Variants in ATG5 observed in about 807,000 individuals in gnomAD.
ATG5 encodes autophagy related 5.
A neutral mutation model predicts 36.5 loss-of-function variants in ATG5; 14 were observed. The observed-to-expected ratio is 0.38, with a 90% CI of 0.25 to 0.60. The LOEUF (loss-of-function observed/expected upper bound fraction) is 0.60, where lower values mean the gene tolerates loss of function less well. Ranked by LOEUF, ATG5 falls within the 20% of genes least tolerant of loss-of-function variation. The pLI, the probability that ATG5 is intolerant of heterozygous loss-of-function variation, is 0.60. For missense variants in ATG5, 195 were observed against 326.7 expected (o/e 0.60, Z 3.11); for synonymous variants, 95 against 101.5 (o/e 0.94, Z 0.38).
chr6:106,188,928 C>T (rs188839793), intron 7 of ATG5, among the ~76,000 whole-genome samples: 4 of 152,234 alleles, frequency 2.6e-5, no homozygotes, highest in Admixed American at 2.6e-4. Flanking sequence ...TTCTGACTTG[C>T]CTCAATAACA....
intron 6 of ATG5, among the ~76,000 whole-genome samples, chr6:106,221,450 C>A (rs568795296): frequency 6.6e-6 from 1 of 152,074 alleles, no homozygotes; most frequent in African/African-American, 2.4e-5. Context: ...CTTTGGGAGG[C>A]CAAGATGGGC....
At chr6:106,287,925 A>G (rs774878245) in intron 4 of ATG5, among the ~76,000 whole-genome samples, 2 of 152,128 alleles carry the variant, frequency 1.3e-5, no homozygotes, top group Non-Finnish European at 2.9e-5. Context: ...GTTAAAAAGC[A>G]GCAAATCCAA....
intron 6 of ATG5, among the ~76,000 whole-genome samples, chr6:106,245,639 C>T (rs184630176): frequency 2.6e-5 from 4 of 152,032 alleles, no homozygotes; most frequent in East Asian, 3.9e-4. Flanking sequence ...TCTCTCTCTC[C>T]GGTTATGCAG....
intron 5 of ATG5, among the ~76,000 whole-genome samples, chr6:106,261,917 C>G (rs758344157): frequency 1.9e-4 from 29 of 152,150 alleles, no homozygotes; most frequent in Non-Finnish European, 1.5e-4. Flanking sequence ...AGGACAGCCC[C>G]AACCCTCACA....
chr6:106,203,659 T>C (rs189215894), intron 6 of ATG5, among the ~76,000 whole-genome samples: 7 of 152,178 alleles, frequency 4.6e-5, no homozygotes, highest in Admixed American at 1.3e-4. Context: ...CCAGGTTGAA[T>C]TGCAGTGGTG....
At chr6:106,253,654 T>G (rs1242728179) in intron 5 of ATG5, among the ~76,000 whole-genome samples, 4 of 152,150 alleles carry the variant, frequency 2.6e-5, no homozygotes, top group African/African-American at 9.7e-5. Flanking sequence ...AGCCTCCTAC[T>G]TGGTCACTGT....
At chr6:106,190,545 G>C (rs2114309329) in intron 7 of ATG5, among the ~76,000 whole-genome samples, 1 of 152,112 alleles carries the variant, frequency 6.6e-6, no homozygotes, top group South Asian at 2.1e-4. Context: ...ATCTGCAACC[G>C]TTTTTTAGCC....
chr6:106,240,592 G>T (rs1156715390), intron 6 of ATG5, among the ~76,000 whole-genome samples: 2 of 151,782 alleles, frequency 1.3e-5, no homozygotes, highest in Admixed American at 1.3e-4. Flanking sequence ...TGGTGGAGAT[G>T]TAAGGGGAGA....
chr6:106,280,156 T>C (rs1247466174), intron 4 of ATG5, among the ~76,000 whole-genome samples: 1 of 150,758 alleles, frequency 6.6e-6, no homozygotes, highest in Non-Finnish European at 1.5e-5. Flanking sequence ...AAATGTAAAA[T>C]AGTATAACCA....
At chr6:106,206,401 A>T (rs1426222286) in intron 6 of ATG5, among the ~76,000 whole-genome samples, 1 of 152,106 alleles carries the variant, frequency 6.6e-6, no homozygotes, top group Non-Finnish European at 1.5e-5. Context: ...TTTATAAATT[A>T]CCCAGTCTAG....
chr6:106,211,717 A>C (rs966269267), intron 6 of ATG5, among the ~76,000 whole-genome samples: 1 of 152,226 alleles, frequency 6.6e-6, no homozygotes, highest in Non-Finnish European at 1.5e-5. Context: ...AGGATCTCCC[A>C]AAGACCCAAA....
chr6:106,238,431 T>C (rs868546952), intron 6 of ATG5, among the ~76,000 whole-genome samples: 2 of 152,222 alleles, frequency 1.3e-5, no homozygotes, highest in Non-Finnish European at 2.9e-5. Context: ...TTAACAACTA[T>C]ACTTGGATGG....
At chr6:106,303,985 AAAG>A (rs1255467202) in intron 3 of ATG5, among the ~76,000 whole-genome samples, 3 of 151,764 alleles carry the variant, frequency 2.0e-5, no homozygotes, top group Non-Finnish European at 4.4e-5. Context: ...AAAAAAAAAA[AAAG>A]AAGAAAAGAA....
intron 5 of ATG5, among the ~76,000 whole-genome samples, chr6:106,251,479 C>T (rs1264442982): frequency 1.3e-5 from 2 of 149,668 alleles, no homozygotes; most frequent in East Asian, 3.9e-4. Context: ...CCTGCTTAAC[C>T]CACTGATTAG....
chr6:106,309,951 T>C lies in ATG5; in HGVS notation c.109-1460A>G, dbSNP rs184483162. Reference sequence around the variant, plus strand: ...AGGAGGGAAGAAACACCACAGCTAATGGGTATGGATATATCAGCTCCTGAT... The same window carrying C: ...AGGAGGGAAGAAACACCACAGCTAACGGGTATGGATATATCAGCTCCTGAT... On this transcript the variant is annotated intron_variant, in intron 2 of 7. Transcript: ENST00000369076. 1.4e-3 allele frequency among the ~76,000 whole-genome samples: 219 copies of C among 152,208 alleles called. 2 individuals carry two copies. The highest frequency in any genetic ancestry group is 0.01 in the Middle Eastern group (3 of 294).
At chr6:106,308,592 T>C (rs1770535949) in intron 2 of ATG5, 101 bp from the exon 3 acceptor site, 1 of 916,716 alleles carries the variant, frequency 1.1e-6, no homozygotes, top group Admixed American at 3.6e-5. Context: ...CCGTGTTCTT[T>C]GCATTATTTT....
At chr6:106,288,297 A>C (rs1216837669) in intron 4 of ATG5, among the ~76,000 whole-genome samples, 1 of 152,028 alleles carries the variant, frequency 6.6e-6, no homozygotes, top group African/African-American at 2.4e-5. Flanking sequence ...TATATGTTTA[A>C]ATTTTTTAAT....
chr6:106,254,965 C>T (rs1057332918), intron 5 of ATG5, among the ~76,000 whole-genome samples: 3 of 152,216 alleles, frequency 2.0e-5, no homozygotes, highest in African/African-American at 7.2e-5. Context: ...AGTATAGCTG[C>T]AATATTTACA....
chr6:106,226,436 T>G (rs544906173), intron 6 of ATG5, among the ~76,000 whole-genome samples: 178 of 151,718 alleles, frequency 1.2e-3, no homozygotes, highest in African/African-American at 4.2e-3. Context: ...AGCCACAAAC[T>G]GGGGGGAAAA....
Sources: allele counts gnomAD v4.1 joint callset (sites outside exome capture counted in the v4.1 genomes callset), GRCh38; gene constraint gnomAD v4.1.1; transcripts MANE v1.5; gene names NCBI Gene and HGNC (gene_info 2026-07-23, HGNC 2026-07-21).